Variants in ATP8B1 observed in about 807,000 individuals in gnomAD.
ATP8B1 encodes ATPase phospholipid transporting 8B1, also known as phospholipid-transporting ATPase IC.
In ATP8B1, 80 loss-of-function variants were observed where a neutral mutation model predicts 149.9. The observed-to-expected ratio is 0.53, with a 90% CI of 0.45 to 0.64. The LOEUF (loss-of-function observed/expected upper bound fraction) is 0.64. Ranked by LOEUF, ATP8B1 falls within the 30% of genes least tolerant of loss-of-function variation. The pLI is 0.00. For missense variants in ATP8B1, 1,247 were observed against 1,552.6 expected (o/e 0.80, Z 3.31); for synonymous variants, 536 against 562.8 (o/e 0.95, Z 0.67).
intron 2 of ATP8B1, among the ~76,000 whole-genome samples, chr18:57,729,244 T>TGC (rs2079736927): frequency 6.6e-6 from 1 of 152,160 alleles, no homozygotes; most frequent in Admixed American, 6.6e-5. Flanking sequence ...TCTGATGGCG[T>TGC]GCCACCAAGC....
chr18:57,752,829 G>A (rs1473818291), intron 1 of ATP8B1, among the ~76,000 whole-genome samples: 1 of 152,038 alleles, frequency 6.6e-6, no homozygotes, highest in Non-Finnish European at 1.5e-5. Flanking sequence ...TAGCTCCATT[G>A]CCCAGAACAG....
At chr18:57,662,339 G>C in intron 21 of ATP8B1, 144 bp downstream of exon 21, 1 of 894,918 alleles carries the variant, frequency 1.1e-6, no homozygotes, top group Non-Finnish European at 1.7e-6. Context: ...ATATTATTAA[G>C]TCTCAAACTT....
chr18:57,766,207 C>T (rs551606162), intron 1 of ATP8B1, among the ~76,000 whole-genome samples: 79 of 151,550 alleles, frequency 5.2e-4, no homozygotes, highest in African/African-American at 1.9e-3. Flanking sequence ...CCACGCCTGG[C>T]TGATTTTTTG....
intron 9 of ATP8B1, 26 bp from the exon 10 acceptor site, chr18:57,695,355 A>G (rs1912757611): frequency 2.5e-6 from 4 of 1,589,618 alleles, no homozygotes; most frequent in Non-Finnish European, 2.6e-6. Context: ...GATTCACATA[A>G]TTAATCACAT....
At chr18:57,688,561 A>G in intron 12 of ATP8B1, 54 bp from the exon 13 acceptor site, 1 of 1,559,826 alleles carries the variant, frequency 6.4e-7, no homozygotes, top group Non-Finnish European at 8.8e-7. Flanking sequence ...AGTGGCAAGT[A>G]GTAGAGATTT....
rs1331161983 is a variant in ATP8B1 at position 57,648,313 on chromosome 18, T to C, written c.*175A>G. ...ATAATAGGACTTTTAAAAGTCCTAT[T>C]TCTTGGCTCTGCTATTGTTTAATAG... On this transcript the variant is annotated 3_prime_UTR_variant, in exon 28 of 28. Transcript: ENST00000648908. The C allele has an allele frequency of 1.2e-6, 1 of 818,070 alleles. No individual in the cohort carries two copies. The highest frequency in any genetic ancestry group is 2.1e-5 in the Admixed American group (1 of 47,240). 50.7% of individuals were successfully genotyped at this position (818,070 alleles called of 1,614,324 possible).
intron 1 of ATP8B1, among the ~76,000 whole-genome samples, chr18:57,758,173 AAT>A (rs2080104138): frequency 6.6e-6 from 1 of 152,068 alleles, no homozygotes. Context: ...CCTTGATTTA[AAT>A]TTATTTTTGA....
intron 16 of ATP8B1, 118 bp downstream of exon 16, chr18:57,674,716 A>C (rs1911486496): frequency 5.0e-6 from 6 of 1,199,458 alleles, no homozygotes; most frequent in Admixed American, 1.8e-5. Flanking sequence ...AGCTGCAGAA[A>C]TCTCCCAGGA....
chr18:57,794,356 A>C, intron 1 of ATP8B1, among the ~76,000 whole-genome samples: 1 of 151,952 alleles, frequency 6.6e-6, no homozygotes, highest in South Asian at 2.1e-4. Context: ...ACCTATAAGC[A>C]CATTATTATA....
At chr18:57,735,973 CCCA>C (rs2079849615) in intron 1 of ATP8B1, among the ~76,000 whole-genome samples, 1 of 145,948 alleles carries the variant, frequency 6.9e-6, no homozygotes, top group Non-Finnish European at 1.5e-5. Flanking sequence ...CCTTGCCCCC[CCCA>C]CCCCCACCCC....
chr18:57,724,520 T>C (rs2079684134), intron 2 of ATP8B1, among the ~76,000 whole-genome samples: 1 of 152,080 alleles, frequency 6.6e-6, no homozygotes, highest in South Asian at 2.1e-4. Context: ...TCACTGGCCA[T>C]CAGAGAAATG....
At chr18:57,651,318 C>T (rs1909602330) in intron 26 of ATP8B1, among the ~76,000 whole-genome samples, 1 of 152,144 alleles carries the variant, frequency 6.6e-6, no homozygotes, top group Non-Finnish European at 1.5e-5. Context: ...GTTGCCCAGG[C>T]TGGTCTCAAA....
intron 1 of ATP8B1, among the ~76,000 whole-genome samples, chr18:57,777,859 C>T (rs1025968202): frequency 2.6e-5 from 4 of 152,228 alleles, no homozygotes; most frequent in African/African-American, 9.6e-5. Flanking sequence ...CGTGAGCCAC[C>T]TTATCTGGCC....
At chr18:57,706,415 T>A in intron 3 of ATP8B1, 75 bp downstream of exon 3, 1 of 1,184,790 alleles carries the variant, frequency 8.4e-7, no homozygotes, top group Non-Finnish European at 1.2e-6. Context: ...AGGTGTAGCA[T>A]GAAGGTAGTA....
At chr18:57,654,159 T>G (rs1909830666) in intron 23 of ATP8B1, 84 bp from the exon 24 acceptor site, 3 of 1,223,302 alleles carry the variant, frequency 2.5e-6, no homozygotes, top group Non-Finnish European at 3.6e-6. Context: ...CTTCCTTTAT[T>G]TAACATTTTG....
At chr18:57,791,012 G>A (rs181432382) in intron 1 of ATP8B1, among the ~76,000 whole-genome samples, 2 of 152,190 alleles carry the variant, frequency 1.3e-5, no homozygotes, top group Non-Finnish European at 1.5e-5. Context: ...ATGAGCCACC[G>A]CGTCCGGCCT....
At chr18:57,694,421 GA>G (rs941792442) in intron 11 of ATP8B1, among the ~76,000 whole-genome samples, 160 bp downstream of exon 11, 1 of 150,158 alleles carries the variant, frequency 6.7e-6, no homozygotes, top group East Asian at 1.9e-4. Flanking sequence ...GGCATTTCTG[GA>G]AAAAAAAATC....
intron 1 of ATP8B1, among the ~76,000 whole-genome samples, chr18:57,796,242 C>T (rs1388745492): frequency 6.6e-6 from 1 of 152,202 alleles, no homozygotes; most frequent in African/African-American, 2.4e-5. Flanking sequence ...AGGAACCTCT[C>T]CTCCTCTCAA....
chr18:57,652,834 T>G, intron 24 of ATP8B1, 105 bp from the exon 25 acceptor site: 1 of 1,446,760 alleles, frequency 6.9e-7, no homozygotes, highest in Admixed American at 1.7e-5. Flanking sequence ...CTGTTAAATT[T>G]TAGGAAGGCA....
Sources: allele counts gnomAD v4.1 joint callset (sites outside exome capture counted in the v4.1 genomes callset), GRCh38; gene constraint gnomAD v4.1.1; transcripts MANE v1.5; gene names NCBI Gene and HGNC (gene_info 2026-07-23, HGNC 2026-07-21).